CMSS1: variants seen among roughly 807,000 people sequenced by gnomAD.
CMSS1 encodes cms1 ribosomal small subunit homolog, also known as protein CMSS1.
A neutral mutation model predicts 43.5 loss-of-function variants in CMSS1; 33 were observed. That is an observed-to-expected ratio of 0.76 (90% confidence interval 0.57 to 1.01). The LOEUF is 1.01. CMSS1 is among the 50% of genes least tolerant of loss of function. The probability of loss-of-function intolerance (pLI) is 0.00; values close to 1 mark genes in which losing one functional copy is unlikely to be tolerated. For missense variants in CMSS1, 313 were observed against 326.4 expected, an observed-to-expected ratio of 0.96 and a Z score of 0.32; for synonymous variants, 115 against 117.2, an observed-to-expected ratio of 0.98 and a Z score of 0.12.
intron 1 of CMSS1, chr3:99,924,461 C>G (rs1707225771): frequency 1.3e-6 from 2 of 1,507,932 alleles, no homozygotes; most frequent in Admixed American, 3.7e-5. Context: ...ATACTGTTGT[C>G]TTTCACTCTT....
chr3:99,925,788 A>G, intron 1 of CMSS1: 1 of 899,948 alleles, frequency 1.1e-6, no homozygotes, highest in Non-Finnish European at 1.3e-6. Context: ...AGGAAGAACC[A>G]GGCAGTAAAG....
chr3:99,940,944 C>T (rs369881443), intron 1 of CMSS1, among the ~76,000 whole-genome samples: 127 of 152,354 alleles, frequency 8.3e-4, no homozygotes, highest in Admixed American at 1.6e-3. Context: ...GATGTTGCAA[C>T]TCTTAAAGCG....
At chr3:100,074,419 G>A (rs1411081057) in intron 1 of CMSS1, among the ~76,000 whole-genome samples, 1 of 151,896 alleles carries the variant, frequency 6.6e-6, no homozygotes, top group Non-Finnish European at 1.5e-5. Flanking sequence ...GTTTTCCAGA[G>A]GCCTTTTCTA....
chr3:100,034,068 G>A (rs1343499984), intron 1 of CMSS1, among the ~76,000 whole-genome samples: 1 of 152,144 alleles, frequency 6.6e-6, no homozygotes, highest in East Asian at 1.9e-4. Flanking sequence ...TTACATTAGT[G>A]ACCCGTTAAT....
chr3:99,865,149 T>C (rs1559666288), intron 1 of CMSS1, among the ~76,000 whole-genome samples: 1 of 152,208 alleles, frequency 6.6e-6, no homozygotes, highest in Non-Finnish European at 1.5e-5. Flanking sequence ...TGAACAATTT[T>C]TATATGCCAT....
intron 1 of CMSS1, among the ~76,000 whole-genome samples, chr3:100,044,876 A>G (rs1217982088): frequency 6.6e-6 from 1 of 152,194 alleles, no homozygotes; most frequent in African/African-American, 2.4e-5. Flanking sequence ...AGCTGACAGG[A>G]CTAGTGGCTC....
At chr3:100,139,589 ATGTG>A (rs1559769123) in intron 1 of CMSS1, among the ~76,000 whole-genome samples, 1 of 134,710 alleles carries the variant, frequency 7.4e-6, no homozygotes, top group Non-Finnish European at 1.6e-5. Context: ...GTGTATATAT[ATGTG>A]TGTGTATATA....
intron 8 of CMSS1, among the ~76,000 whole-genome samples, chr3:100,174,761 A>T (rs1317745515): frequency 6.6e-6 from 1 of 152,218 alleles, no homozygotes; most frequent in East Asian, 1.9e-4. Context: ...ACATTGAAAG[A>T]TATCCCATGA....
chr3:99,925,681 G>A (rs1393653418), intron 1 of CMSS1, among the ~76,000 whole-genome samples: 2 of 152,194 alleles, frequency 1.3e-5, no homozygotes, highest in Non-Finnish European at 2.9e-5. Flanking sequence ...AGCAGGACAG[G>A]ACTCCATAGC....
intron 1 of CMSS1, among the ~76,000 whole-genome samples, chr3:100,131,191 A>G (rs1197360728): frequency 6.6e-6 from 1 of 152,218 alleles, no homozygotes; most frequent in Non-Finnish European, 1.5e-5. Flanking sequence ...ACTAAGGCGC[A>G]AAAAGAGCAA....
chr3:99,987,528 CAAAAA>C (rs1209242716), intron 1 of CMSS1, among the ~76,000 whole-genome samples: 1 of 57,162 alleles, frequency 1.7e-5, no homozygotes. Flanking sequence ...GATTCTGTCT[CAAAAA>C]AAAAAAAAAA....
rs78952677 is a variant in CMSS1, at chr3:99,845,846, G to A, written c.64+27803G>A. Among the ~76,000 whole-genome samples the A allele has an allele frequency of 4.5e-3, 692 of 152,194 alleles. 20 individuals carry two copies. The highest frequency in any genetic ancestry group is 0.024 in the East Asian group (127 of 5,186). ...TGCTGATACAAATTATTATACTGAAGGAATCCTCCCAGTAGAGGTACTTCT... is the reference window on the plus strand; with the variant it reads ...TGCTGATACAAATTATTATACTGAAAGAATCCTCCCAGTAGAGGTACTTCT... On this transcript the variant is annotated intron_variant, in intron 1 of 9. Transcript: ENST00000421999.
intron 1 of CMSS1, chr3:100,141,786 T>C: frequency 5.9e-6 from 2 of 341,298 alleles, no homozygotes; most frequent in East Asian, 1.6e-4. Context: ...AAGTAGACTC[T>C]TCAAGGAGTT....
At chr3:99,913,014 G>A (rs1450155232) in intron 1 of CMSS1, among the ~76,000 whole-genome samples, 3 of 152,122 alleles carry the variant, frequency 2.0e-5, no homozygotes, top group African/African-American at 7.2e-5. Flanking sequence ...GGTTAGAGGG[G>A]CATTCATGAA....
intron 1 of CMSS1, among the ~76,000 whole-genome samples, chr3:99,995,684 G>A (rs1432668317): frequency 6.6e-6 from 1 of 152,220 alleles, no homozygotes; most frequent in Non-Finnish European, 1.5e-5. Context: ...CATCTAGGCA[G>A]AGGTTCCCAA....
chr3:99,995,099 C>G lies in CMSS1; in HGVS notation c.65-151874C>G, dbSNP rs144215262. Among the ~76,000 whole-genome samples the G allele has an allele frequency of 3.3e-5, 5 of 152,256 alleles. No homozygotes were observed. In the East Asian group the frequency reaches 9.7e-4, roughly 29 times the overall value. On this transcript the variant is annotated intron_variant, in intron 1 of 9. Coordinates refer to ENST00000421999, the MANE Select transcript of CMSS1 (RefSeq NM_032359.4). ...TAACCCAAAACGCGCAGTCCAAAGT[C>G]TCATCTGAGACAAGGCAAGTCCCTT...
At chr3:99,879,955 G>A (rs944676434) in intron 1 of CMSS1, among the ~76,000 whole-genome samples, 3 of 152,024 alleles carry the variant, frequency 2.0e-5, no homozygotes, top group Non-Finnish European at 2.9e-5. Context: ...ATGAGCTTTC[G>A]GTGTTTATTG....
intron 1 of CMSS1, among the ~76,000 whole-genome samples, chr3:100,123,089 G>A (rs2066634832): frequency 6.6e-6 from 1 of 152,140 alleles, no homozygotes; most frequent in Non-Finnish European, 1.5e-5. Flanking sequence ...ATAAAAACAA[G>A]GTAACAAATC....
chr3:99,913,819 G>C (rs1207481980), intron 1 of CMSS1, among the ~76,000 whole-genome samples: 3 of 152,172 alleles, frequency 2.0e-5, no homozygotes, highest in Non-Finnish European at 4.4e-5. Context: ...AAAAAACGTA[G>C]AAAACACATA....
Sources: gnomAD v4.1 joint callset for allele counts (sites outside exome capture counted in the v4.1 genomes callset) on GRCh38, gnomAD v4.1.1 for gene constraint, MANE v1.5 for transcripts, NCBI Gene and HGNC (gene_info 2026-07-23, HGNC 2026-07-21) for gene names.